The following ESRRG variants were observed in gnomAD, a reference collection of about 807,000 sequenced individuals.
ESRRG encodes the protein estrogen related receptor gamma.
In ESRRG, 13 loss-of-function variants were observed where a neutral mutation model predicts 44.0. That is an observed-to-expected ratio of 0.30 (90% confidence interval 0.19 to 0.47). The LOEUF (loss-of-function observed/expected upper bound fraction) is 0.47, where lower values mean the gene tolerates loss of function less well. ESRRG is among the 20% of genes least tolerant of loss of function. ESRRG has a pLI of 1.00. For missense variants in ESRRG, 395 were observed against 580.6 expected, an observed-to-expected ratio of 0.68 and a Z score of 3.29; for synonymous variants, 215 against 214.6, an observed-to-expected ratio of 1.00 and a Z score of -0.02.
chr1:216,914,163 A>G (rs1404839769), intron 2 of ESRRG, among the ~76,000 whole-genome samples: 1 of 151,898 alleles, frequency 6.6e-6, no homozygotes, highest in Non-Finnish European at 1.5e-5. Context: ...GAGCTCTGCT[A>G]TCAGCTGAAG....
chr1:216,962,314 A>G (rs1158067125), intron 1 of ESRRG, among the ~76,000 whole-genome samples: 1 of 151,780 alleles, frequency 6.6e-6, no homozygotes, highest in Non-Finnish European at 1.5e-5. Flanking sequence ...CCTCCCAACT[A>G]GGAATCTCTG....
At chr1:216,665,244 TA>T (rs1183743543) in intron 2 of ESRRG, among the ~76,000 whole-genome samples, 1 of 152,028 alleles carries the variant, frequency 6.6e-6, no homozygotes, top group Non-Finnish European at 1.5e-5. Flanking sequence ...GATATGTATG[TA>T]TAGAAAAAAA....
At chr1:216,564,634 C>A (rs11572780) in intron 4 of ESRRG, among the ~76,000 whole-genome samples, 22 of 151,962 alleles carry the variant, frequency 1.4e-4, no homozygotes, top group African/African-American at 4.8e-4. Context: ...TGGAATGAAG[C>A]GTCTGTCCTG....
intron 2 of ESRRG, among the ~76,000 whole-genome samples, chr1:216,830,194 T>A (rs1577021335): frequency 6.6e-6 from 1 of 152,154 alleles, no homozygotes; most frequent in African/African-American, 2.4e-5. Context: ...AATAACGTAG[T>A]TAATATGAAG....
At chr1:216,814,375 G>A (rs1452774381) in intron 2 of ESRRG, among the ~76,000 whole-genome samples, 3 of 152,156 alleles carry the variant, frequency 2.0e-5, no homozygotes, top group African/African-American at 7.2e-5. Flanking sequence ...TTGTTTGCTT[G>A]TTTGGGGAAT....
At chr1:216,595,056 A>G (rs1376078621) in intron 3 of ESRRG, among the ~76,000 whole-genome samples, 1 of 152,204 alleles carries the variant, frequency 6.6e-6, no homozygotes, top group Non-Finnish European at 1.5e-5. Flanking sequence ...TTCTGCAAGT[A>G]CTTGTGTGAG....
intron 2 of ESRRG, among the ~76,000 whole-genome samples, chr1:216,823,463 G>A (rs763641887): frequency 1.3e-5 from 2 of 152,148 alleles, no homozygotes; most frequent in Non-Finnish European, 2.9e-5. Context: ...TGGTATTGCA[G>A]TGGTGTGGAG....
intron 3 of ESRRG, among the ~76,000 whole-genome samples, chr1:216,596,928 T>C (rs570185559): frequency 1.6e-4 from 25 of 152,200 alleles, no homozygotes; most frequent in African/African-American, 6.0e-4. Context: ...AAAATATATA[T>C]TGGGTTTTTT....
At chr1:217,060,795 G>C (rs1025083603) in intron 1 of ESRRG, among the ~76,000 whole-genome samples, 106 of 54,868 alleles carry the variant, frequency 1.9e-3, no homozygotes, top group African/African-American at 4.2e-3. Flanking sequence ...ACACTAGATA[G>C]ATAGATAGAT....
intron 1 of ESRRG, among the ~76,000 whole-genome samples, chr1:216,994,163 T>A (rs927757722): frequency 1.3e-5 from 2 of 152,200 alleles, no homozygotes; most frequent in African/African-American, 4.8e-5. Context: ...AGATTACATG[T>A]CTCAGGGGAC....
intron 2 of ESRRG, among the ~76,000 whole-genome samples, chr1:216,760,724 G>A (rs1245476793): frequency 6.6e-6 from 1 of 151,948 alleles, no homozygotes; most frequent in Non-Finnish European, 1.5e-5. Flanking sequence ...AAGAAGGAGG[G>A]CATGTACACT....
chr1:216,878,422 A>C (rs2096391201), intron 2 of ESRRG, among the ~76,000 whole-genome samples: 2 of 152,166 alleles, frequency 1.3e-5, no homozygotes, highest in Admixed American at 6.5e-5. Context: ...ATTCTATATA[A>C]ATAAGTTAAT....
chr1:217,106,057 C>T (rs1474057755), intron 1 of ESRRG, among the ~76,000 whole-genome samples: 1 of 152,148 alleles, frequency 6.6e-6, no homozygotes, highest in African/African-American at 2.4e-5. Context: ...CCAAAATTGG[C>T]AGCCACAATG....
chr1:216,701,013 G>A (rs537082239), intron 1 of ESRRG, among the ~76,000 whole-genome samples: 1 of 152,186 alleles, frequency 6.6e-6, no homozygotes, highest in African/African-American at 2.4e-5. Context: ...GACTCATTTC[G>A]ACTTCAGAAT....
intron 1 of ESRRG, among the ~76,000 whole-genome samples, chr1:217,051,460 AC>A (rs2086025216): frequency 6.6e-6 from 1 of 152,230 alleles, no homozygotes; most frequent in Non-Finnish European, 1.5e-5. Context: ...GAGGAAGCCA[AC>A]ATTATTTTTG....
At chr1:216,802,029 T>G (rs2094638118) in intron 2 of ESRRG, among the ~76,000 whole-genome samples, 1 of 152,166 alleles carries the variant, frequency 6.6e-6, no homozygotes, top group Non-Finnish European at 1.5e-5. Context: ...GTTTGCTTAT[T>G]TATTCAATCA....
At chr1:217,046,933 G>A (rs1325605640) in intron 1 of ESRRG, among the ~76,000 whole-genome samples, 1 of 152,054 alleles carries the variant, frequency 6.6e-6, no homozygotes, top group East Asian at 1.9e-4. Flanking sequence ...ATTGGAAAGA[G>A]ACAAAATTAT....
chr1:217,092,137 T>C (rs7525450), upstream of ESRRG, among the ~76,000 whole-genome samples: 27,278 of 152,126 alleles, frequency 0.18, 3,257 homozygotes, highest in African/African-American at 0.33. Context: ...TTTCTAAGCC[T>C]AGATTCTCTA....
chr1:216,745,570 CTT>C (rs67862204), intron 2 of ESRRG, among the ~76,000 whole-genome samples: 41,561 of 151,952 alleles, frequency 0.27, 6,864 homozygotes, highest in East Asian at 0.4. Flanking sequence ...TTTTTACCCT[CTT>C]GAGTTGAAGG....
Sources: gnomAD v4.1 joint callset for allele counts (sites outside exome capture counted in the v4.1 genomes callset) on GRCh38, gnomAD v4.1.1 for gene constraint, MANE v1.5 for transcripts, NCBI Gene and HGNC (gene_info 2026-07-23, HGNC 2026-07-21) for gene names.